RUFY2: variants seen among roughly 807,000 people sequenced by gnomAD.
RUFY2 encodes RUN and FYVE domain containing 2.
A neutral mutation model predicts 94.4 loss-of-function variants in RUFY2; 49 were observed. That is an observed-to-expected ratio of 0.52 (90% confidence interval 0.41 to 0.66). The LOEUF (loss-of-function observed/expected upper bound fraction) is 0.66. Ranked by LOEUF, RUFY2 falls within the 30% of genes least tolerant of loss-of-function variation. The probability of loss-of-function intolerance (pLI) is 0.00; values close to 1 mark genes in which losing one functional copy is unlikely to be tolerated. For synonymous variants in RUFY2, 255 were observed against 235.7 expected, an observed-to-expected ratio of 1.08 and a Z score of -0.75; for missense variants, 541 against 692.8, an observed-to-expected ratio of 0.78 and a Z score of 2.46.
At chr10:68,365,469 G>T (rs933032126) in intron 13 of RUFY2, among the ~76,000 whole-genome samples, 7 of 152,068 alleles carry the variant, frequency 4.6e-5, no homozygotes, top group African/African-American at 1.7e-4. Flanking sequence ...GGTGTGTTTG[G>T]GTGCATCCTG....
chr10:68,356,615 T>G (rs1229698094), intron 15 of RUFY2, among the ~76,000 whole-genome samples: 2 of 151,788 alleles, frequency 1.3e-5, no homozygotes, highest in Non-Finnish European at 2.9e-5. Context: ...TGGCACGATC[T>G]CAACTCACTG....
At chr10:68,392,261 T>C (rs1248485278) in intron 7 of RUFY2, among the ~76,000 whole-genome samples, 1 of 151,950 alleles carries the variant, frequency 6.6e-6, no homozygotes, top group Non-Finnish European at 1.5e-5. Context: ...TCAAACTCCT[T>C]ACCTCAGGTG....
chr10:68,375,284 G>A (rs1396377381), intron 13 of RUFY2, among the ~76,000 whole-genome samples: 1 of 137,052 alleles, frequency 7.3e-6, no homozygotes, highest in Non-Finnish European at 1.5e-5. Context: ...ACACAGAGAA[G>A]GAAACAACAG....
At chr10:68,363,736 A>G in intron 14 of RUFY2, 52 bp from the exon 15 acceptor site, 1 of 1,201,040 alleles carries the variant, frequency 8.3e-7, no homozygotes, top group East Asian at 2.5e-5. Context: ...GAAACAAGAA[A>G]CTCCAGATTG....
intron 16 of RUFY2, among the ~76,000 whole-genome samples, chr10:68,351,155 G>T (rs550939538): frequency 9.3e-5 from 10 of 107,878 alleles, no homozygotes; most frequent in African/African-American, 3.8e-4. Flanking sequence ...TTTTTGAGAC[G>T]GAGTCTCACC....
Position 68,366,759 on chromosome 10 carries a change from T to TATATATATATATATATATATATAA in RUFY2, c.1326-2647_1326-2646insTTATATATATATATATATATATAT, listed in dbSNP as rs1235098742. On this transcript the variant is annotated intron_variant, in intron 13 of 17. Coordinates refer to ENST00000602465, the MANE Select transcript of RUFY2 (RefSeq NM_001330103.2). ...TCTAAAATATATATATATATATATATAATATTAAATATATTAAATAAATAA... is the reference window on the plus strand; with the variant it reads ...TCTAAAATATATATATATATATATATATATATATATATATATATATATAAAATATTAAATATATTAAATAAATAA... 4.2e-3 allele frequency among the ~76,000 whole-genome samples: 551 copies of TATATATATATATATATATATATAA among 131,690 alleles called. 3 individuals carry two copies. The highest frequency in any genetic ancestry group is 0.017 in the South Asian group (68 of 4,072). 86.4% of individuals were successfully genotyped at this position (131,690 alleles called of 152,430 possible). A position where few individuals can be genotyped will look rare whatever the true frequency, so the allele number is the denominator to read the frequency against.
chr10:68,373,076 G>A (rs2048388861), intron 13 of RUFY2, among the ~76,000 whole-genome samples: 1 of 152,102 alleles, frequency 6.6e-6, no homozygotes, highest in Non-Finnish European at 1.5e-5. Flanking sequence ...CTCAATATAT[G>A]TAAAAGAGAT....
Position 68,396,820 on chromosome 10 carries a change from C to T in RUFY2, c.358G>A (p.Asp120Asn), listed in dbSNP as rs1229210117. ...RLALMQKKMADYLRCLIIQRD... is the reference protein window; with the variant it reads ...RLALMQKKMANYLRCLIIQRD... Reference sequence around the variant, plus strand: ...TGAATAATTAAGCAACGTAAGTAATCGGCCATTTTTTTTTGCATGAGGGCT... The same window carrying T: ...TGAATAATTAAGCAACGTAAGTAATTGGCCATTTTTTTTTGCATGAGGGCT... Residue 120 changes from aspartate to asparagine, a missense_variant, in exon 4 of 18, where the codon GAT (aspartate) becomes AAT (asparagine). Transcript: ENST00000602465. 2 of 1,613,790 alleles carry T rather than the reference C, an allele frequency of 1.2e-6. No homozygotes were observed. The highest frequency in any genetic ancestry group is 8.5e-7 in the Non-Finnish European group (1 of 1,179,800).
rs547721123 is a variant in RUFY2, at chr10:68,349,729, G to A, written c.1600-3645C>T. Among the ~76,000 whole-genome samples the A allele has an allele frequency of 9.2e-5, 14 of 151,902 alleles. No individual in the cohort carries two copies. In the South Asian group the frequency reaches 1.0e-3, roughly 11 times the overall value. On this transcript the variant is annotated intron_variant, in intron 16 of 17. Transcript: ENST00000602465. ...AATTTTTTGTATTTTTAGTAGAGAC[G>A]GGGTTTCACCGTGTTAGCCAGGATG...
At chr10:68,357,978 A>C (rs976868046) in intron 15 of RUFY2, among the ~76,000 whole-genome samples, 1 of 152,122 alleles carries the variant, frequency 6.6e-6, no homozygotes, top group African/African-American at 2.4e-5. Context: ...ACTTGAGGTC[A>C]GGAGTTCCAG....
chr10:68,399,243 G>A lies in RUFY2; in HGVS notation c.297-2362C>T, dbSNP rs757303569. On this transcript the variant is annotated intron_variant, in intron 3 of 17. Transcript: ENST00000602465. ...GTATTTTTAGTAGACATGTGGTTTC[G>A]CCATGTTGCCCAGGCTGGTCTCGAA... Among the ~76,000 whole-genome samples the A allele has an allele frequency of 6.6e-5, 10 of 151,814 alleles. No individual in the cohort carries two copies. In the East Asian group the frequency reaches 1.4e-3, roughly 21 times the overall value.
chr10:68,363,850 C>T, intron 14 of RUFY2, 134 bp downstream of exon 14: 1 of 849,508 alleles, frequency 1.2e-6, no homozygotes. Context: ...TTTCCATTTA[C>T]TTAATCTCTT....
At chr10:68,401,340 T>C (rs2050834073) in intron 3 of RUFY2, among the ~76,000 whole-genome samples, 1 of 152,180 alleles carries the variant, frequency 6.6e-6, no homozygotes, top group Non-Finnish European at 1.5e-5. Context: ...AAAACAAAGA[T>C]GCATAACTGA....
At chr10:68,358,558 T>C (rs2047213316) in intron 15 of RUFY2, among the ~76,000 whole-genome samples, 1 of 152,254 alleles carries the variant, frequency 6.6e-6, no homozygotes, top group Non-Finnish European at 1.5e-5. Flanking sequence ...ATGATTTAAT[T>C]ATGCTATACA....
downstream of RUFY2, chr10:68,342,236 C>A: frequency 2.0e-6 from 1 of 507,430 alleles, no homozygotes. Flanking sequence ...TTATTTGTTG[C>A]ATACTTTGAC....
intron 13 of RUFY2, among the ~76,000 whole-genome samples, chr10:68,374,073 T>C (rs2048451588): frequency 7.5e-6 from 1 of 133,916 alleles, no homozygotes; most frequent in Non-Finnish European, 1.5e-5. Context: ...GCTATGATCA[T>C]GCCACTGCAC....
intron 6 of RUFY2, 54 bp from the exon 7 acceptor site, chr10:68,393,257 CA>C (rs11432212): frequency 4.6e-6 from 4 of 865,446 alleles, no homozygotes; most frequent in African/African-American, 1.8e-5. Flanking sequence ...TTATTAAGCA[CA>C]AAAAAATCTA....
intron 10 of RUFY2, among the ~76,000 whole-genome samples, chr10:68,382,791 A>C (rs1459366556): frequency 1.3e-5 from 2 of 152,034 alleles, no homozygotes; most frequent in Non-Finnish European, 2.9e-5. Flanking sequence ...AAGATGGGCA[A>C]TATTCTCTTC....
At chr10:68,389,672 T>C (rs2049830670) in intron 7 of RUFY2, among the ~76,000 whole-genome samples, 1 of 152,038 alleles carries the variant, frequency 6.6e-6, no homozygotes, top group Non-Finnish European at 1.5e-5. Context: ...CTCACACCTG[T>C]AATCCCAGAA....
Sources: allele counts gnomAD v4.1 joint callset (sites outside exome capture counted in the v4.1 genomes callset), GRCh38; gene constraint gnomAD v4.1.1; transcripts MANE v1.5; gene names NCBI Gene and HGNC (gene_info 2026-07-23, HGNC 2026-07-21).